The following PAM variants were observed in gnomAD, a reference collection of about 807,000 sequenced individuals.
The protein encoded by PAM is peptidylglycine alpha-amidating monooxygenase.
PAM carries 72 observed loss-of-function variants against 122.1 expected under a neutral mutation model. That is an observed-to-expected ratio of 0.59 (90% CI 0.49 to 0.72). The LOEUF (loss-of-function observed/expected upper bound fraction) is 0.72, where lower values mean the gene tolerates loss of function less well. Ranked by LOEUF, PAM falls within the 30% of genes least tolerant of loss-of-function variation. PAM has a pLI of 0.00. For synonymous variants in PAM, 389 were observed against 404.4 expected (o/e 0.96, Z 0.46); for missense variants, 1,106 against 1,183.7 (o/e 0.93, Z 0.96).
chr5:103,015,161 T>G (rs1318303701), intron 21 of PAM, among the ~76,000 whole-genome samples: 1 of 152,210 alleles, frequency 6.6e-6, no homozygotes, highest in Non-Finnish European at 1.5e-5. Context: ...TGAAATGTGC[T>G]GCTTAACCTT....
intron 1 of PAM, among the ~76,000 whole-genome samples, chr5:102,797,303 G>T (rs1763620434): frequency 6.6e-6 from 1 of 152,104 alleles, no homozygotes. Flanking sequence ...AAAATCCAAT[G>T]TGAATGCTCT....
chr5:103,007,058 T>A (rs1779179281), intron 19 of PAM, 47 bp downstream of exon 19: 1 of 1,360,108 alleles, frequency 7.4e-7, no homozygotes. Flanking sequence ...TTAGCCAGTA[T>A]CACTGGGAAC....
chr5:102,799,235 A>T (rs926042799), intron 1 of PAM, among the ~76,000 whole-genome samples: 7 of 152,202 alleles, frequency 4.6e-5, no homozygotes, highest in Admixed American at 1.3e-4. Flanking sequence ...CACTAACATC[A>T]TCAAAAGAAT....
chr5:102,924,214 C>A (rs572403154), intron 5 of PAM, among the ~76,000 whole-genome samples: 138 of 152,044 alleles, frequency 9.1e-4, no homozygotes, highest in African/African-American at 3.2e-3. Flanking sequence ...GGTGGATCAT[C>A]TGAGATCAGG....
At chr5:102,898,365 T>G (rs1001098463) in intron 3 of PAM, among the ~76,000 whole-genome samples, 24 of 151,514 alleles carry the variant, frequency 1.6e-4, no homozygotes, top group African/African-American at 5.6e-4. Flanking sequence ...AAAAAGAGGA[T>G]TCATGATGAT....
At chr5:102,869,368 G>A (rs1786631509) in intron 3 of PAM, among the ~76,000 whole-genome samples, 1 of 151,046 alleles carries the variant, frequency 6.6e-6, no homozygotes, top group Admixed American at 6.6e-5. Context: ...ACCATAGAGG[G>A]CAATGCAGAG....
chr5:102,814,208 T>C (rs1192064680), intron 1 of PAM, among the ~76,000 whole-genome samples: 1 of 152,160 alleles, frequency 6.6e-6, no homozygotes, highest in Non-Finnish European at 1.5e-5. Context: ...TTTAGTAAAT[T>C]CAAACCTTCC....
intron 15 of PAM, among the ~76,000 whole-genome samples, chr5:102,979,863 CTTTA>C (rs1186794089): frequency 1.3e-5 from 2 of 151,752 alleles, no homozygotes; most frequent in Non-Finnish European, 2.9e-5. Flanking sequence ...GTACATTAAC[CTTTA>C]TTTATAATAA....
At chr5:102,996,213 C>T (rs1183692526) in intron 16 of PAM, among the ~76,000 whole-genome samples, 1 of 152,122 alleles carries the variant, frequency 6.6e-6, no homozygotes, top group Non-Finnish European at 1.5e-5. Context: ...TGAATTCCAG[C>T]CCATAGGCCA....
At chr5:102,758,932 A>G (rs898597253) in intron 1 of PAM, among the ~76,000 whole-genome samples, 1 of 152,208 alleles carries the variant, frequency 6.6e-6, no homozygotes, top group African/African-American at 2.4e-5. Context: ...TGAAATAGCC[A>G]TTCCTCAGCT....
At chr5:102,821,441 T>C (rs749689980) in intron 1 of PAM, among the ~76,000 whole-genome samples, 15 of 152,222 alleles carry the variant, frequency 9.9e-5, no homozygotes, top group Non-Finnish European at 1.8e-4. Context: ...CTTCCCAAAC[T>C]ATTTCTTTCT....
intron 12 of PAM, among the ~76,000 whole-genome samples, chr5:102,953,053 T>C (rs1046045273): frequency 1.2e-4 from 18 of 152,176 alleles, no homozygotes; most frequent in African/African-American, 3.6e-4. Flanking sequence ...TATGGTTACA[T>C]AGAAACTAGG....
At chr5:102,909,576 T>C (rs1800758478) in intron 4 of PAM, among the ~76,000 whole-genome samples, 1 of 151,768 alleles carries the variant, frequency 6.6e-6, no homozygotes, top group African/African-American at 2.4e-5. Flanking sequence ...TTAAAAGATA[T>C]ACTTACCTGG....
chr5:102,950,622 G>A (rs953319451), intron 11 of PAM, 95 bp from the exon 12 acceptor site: 8 of 722,092 alleles, frequency 1.1e-5, no homozygotes, highest in African/African-American at 1.8e-5. Context: ...CCTCAAAAAA[G>A]GGGTAAAGGA....
Position 103,005,199 on chromosome 5 carries a change from T to C in PAM, c.1776T>C (p.Tyr592=), listed in dbSNP as rs567991627. Residue 592 remains tyrosine (Y), a synonymous_variant, in exon 18 of 26, where the codon TAT becomes TAC. Transcript: ENST00000438793. The part of the protein sequence containing the change: ...HGLSIDKDGN[Y]WVTDVALHQV... ...TGAGTATAGATAAAGATGGGAATTA[T>C]TGGGTCACAGACGTGGCTCTCCATC... is the stretch of plus-strand genomic sequence containing the variant. The C allele has an allele frequency of 2.5e-5, 38 of 1,497,006 alleles. No homozygotes were observed. The highest frequency in any genetic ancestry group is 3.3e-5 in the Non-Finnish European group (36 of 1,075,026). 92.7% of individuals were successfully genotyped at this position (1,497,006 alleles called of 1,614,324 possible). A position where few individuals can be genotyped will look rare whatever the true frequency, so the allele number is the denominator to read the frequency against.
chr5:102,766,926 A>ATTTTTTTTTTTTTTTTTTTTTTTTTTTT lies in PAM; in HGVS notation c.-374+11582_-374+11609dup. On this transcript the variant is annotated intron_variant, in intron 1 of 25. Coordinates refer to ENST00000438793, the MANE Select transcript of PAM (RefSeq NM_001177306.2). The stretch of plus-strand genomic sequence containing the variant: ...ATTTATTTTATTGCTTCAGTTGTGG[A>ATTTTTTTTTTTTTTTTTTTTTTTTTTTT]TTTTTTTTTTTTTTTTTTTTTTTTT... Among the ~76,000 whole-genome samples the ATTTTTTTTTTTTTTTTTTTTTTTTTTTT allele has an allele frequency of 1.3e-3, 34 of 25,854 alleles. 14 individuals are homozygous for ATTTTTTTTTTTTTTTTTTTTTTTTTTTT. The highest frequency in any genetic ancestry group is 2.0e-3 in the Non-Finnish European group (26 of 12,912). The allele number at this position is 25,854 out of a possible 152,430, so 17.0% of individuals were successfully genotyped here.
At chr5:102,901,594 A>G (rs1226297859) in intron 4 of PAM, among the ~76,000 whole-genome samples, 181 bp downstream of exon 4, 2 of 151,546 alleles carry the variant, frequency 1.3e-5, no homozygotes, top group Non-Finnish European at 3.0e-5. Flanking sequence ...AAGATTATAA[A>G]CTGTATCTGG....
At chr5:102,917,789 C>T (rs1745953021) in intron 5 of PAM, among the ~76,000 whole-genome samples, 2 of 152,138 alleles carry the variant, frequency 1.3e-5, no homozygotes, top group Admixed American at 6.5e-5. Flanking sequence ...GTGCTGCCCT[C>T]CTTTGCTCTT....
At chr5:102,776,528 G>A (rs931687896) in intron 1 of PAM, among the ~76,000 whole-genome samples, 13 of 152,050 alleles carry the variant, frequency 8.5e-5, no homozygotes, top group African/African-American at 3.1e-4. Flanking sequence ...TGTGAGGAAG[G>A]GGTCCAGTTT....
Sources: gnomAD v4.1 joint callset for allele counts (sites outside exome capture counted in the v4.1 genomes callset) on GRCh38, gnomAD v4.1.1 for gene constraint, MANE v1.5 for transcripts, NCBI Gene and HGNC (gene_info 2026-07-23, HGNC 2026-07-21) for gene names.